Variants in PID1 observed in about 807,000 individuals in gnomAD.
PID1 encodes the protein PTB-containing, cubilin and LRP1-interacting protein.
PID1 carries 10 observed loss-of-function variants against 19.1 expected under a neutral mutation model. The ratio of observed to expected loss-of-function variants is 0.52; its 90% confidence interval spans 0.32 to 0.89. The LOEUF (loss-of-function observed/expected upper bound fraction) is 0.89, where lower values mean the gene tolerates loss of function less well. Ranked by LOEUF, PID1 falls within the 40% of genes least tolerant of loss-of-function variation. The pLI is 0.03. For missense variants in PID1, 248 were observed against 285.3 expected, an observed-to-expected ratio of 0.87 and a Z score of 0.94; for synonymous variants, 130 against 116.0, an observed-to-expected ratio of 1.12 and a Z score of -0.78.
intron 1 of PID1, among the ~76,000 whole-genome samples, chr2:229,245,883 A>C (rs1249885503): frequency 3.3e-5 from 5 of 152,138 alleles, no homozygotes; most frequent in Non-Finnish European, 7.3e-5. Context: ...ACGTTCACTT[A>C]GGCCAAGGGA....
chr2:229,146,818 G>C (rs948915055), intron 2 of PID1, among the ~76,000 whole-genome samples: 1 of 152,072 alleles, frequency 6.6e-6, no homozygotes, highest in Non-Finnish European at 1.5e-5. Flanking sequence ...CAGAAGAGAA[G>C]GCAATGTGAC....
intron 1 of PID1, among the ~76,000 whole-genome samples, chr2:229,242,443 C>T (rs1406191154): frequency 2.6e-5 from 4 of 150,944 alleles, no homozygotes; most frequent in South Asian, 2.1e-4. Context: ...TATGCTGCTT[C>T]GACTGGTAAA....
chr2:229,078,407 G>T (rs1054376826), intron 2 of PID1, among the ~76,000 whole-genome samples: 4 of 152,074 alleles, frequency 2.6e-5, no homozygotes, highest in African/African-American at 9.7e-5. Context: ...TTACCTGATT[G>T]CCCTGGTCAG....
intron 1 of PID1, among the ~76,000 whole-genome samples, chr2:229,266,090 C>A (rs1037762691): frequency 6.6e-6 from 1 of 152,122 alleles, no homozygotes; most frequent in African/African-American, 2.4e-5. Flanking sequence ...AATGACAACT[C>A]CTAGTTTTCT....
intron 2 of PID1, among the ~76,000 whole-genome samples, chr2:229,056,826 C>G (rs1477593684): frequency 6.6e-6 from 1 of 152,006 alleles, no homozygotes; most frequent in East Asian, 1.9e-4. Flanking sequence ...CTAATACACT[C>G]TAATAGTAGA....
At chr2:229,128,714 A>C (rs1324836128) in intron 2 of PID1, among the ~76,000 whole-genome samples, 1 of 152,214 alleles carries the variant, frequency 6.6e-6, no homozygotes, top group Non-Finnish European at 1.5e-5. Context: ...CAGGGCATTT[A>C]TGTTCATTTT....
At chr2:229,057,910 C>T (rs1240481751) in intron 2 of PID1, among the ~76,000 whole-genome samples, 1 of 152,186 alleles carries the variant, frequency 6.6e-6, no homozygotes, top group East Asian at 1.9e-4. Flanking sequence ...GTATTCGATA[C>T]ATGTCAGAAA....
intron 1 of PID1, among the ~76,000 whole-genome samples, chr2:229,206,579 T>C (rs746868322): frequency 6.6e-6 from 1 of 152,222 alleles, no homozygotes; most frequent in Non-Finnish European, 1.5e-5. Flanking sequence ...TTTTATGTTC[T>C]AAGCTAAACA....
chr2:229,094,664 T>A lies in PID1; in HGVS notation c.177+61154A>T, dbSNP rs558663297. On this transcript the variant is annotated intron_variant, in intron 2 of 2. Transcript: ENST00000392055. Reference sequence around the variant, plus strand: ...CAACCAATTGATCTTTGACAAAGCATACAAAAACACAAACTGGGGAAAGAA... The same window carrying A: ...CAACCAATTGATCTTTGACAAAGCAAACAAAAACACAAACTGGGGAAAGAA... 1.8e-3 allele frequency among the ~76,000 whole-genome samples: 273 copies of A among 151,914 alleles called. 2 individuals are homozygous for A. The highest frequency in any genetic ancestry group is 6.2e-3 in the African/African-American group (258 of 41,426).
chr2:229,244,726 C>T (rs1403596969), intron 1 of PID1: 1 of 152,096 alleles, frequency 6.6e-6, no homozygotes, highest in Non-Finnish European at 1.5e-5. Flanking sequence ...TCTGCAAAAG[C>T]AATTCCCTAC....
At chr2:229,101,511 C>G (rs550441509) in intron 2 of PID1, among the ~76,000 whole-genome samples, 1 of 152,306 alleles carries the variant, frequency 6.6e-6, no homozygotes, top group African/African-American at 2.4e-5. Flanking sequence ...TAATTACTAA[C>G]AGCCAGTATA....
In PID1 at chr2:229,039,991, G is replaced by A. The variant is rs181379170; in HGVS notation, c.178-13883C>T. ...ATAAGATACATAAAACAATCTAAAT[G>A]CTCATACCAAATAAAGCAGTTGAAT... On this transcript the variant is annotated intron_variant, in intron 2 of 2. Coordinates refer to ENST00000392055, the MANE Select transcript of PID1 (RefSeq NM_001100818.2). Among the ~76,000 whole-genome samples the A allele has an allele frequency of 1.3e-3, 191 of 152,138 alleles. 2 individuals are homozygous for A. Among genetic ancestry groups the A allele is most frequent in the African/African-American group, 4.5e-3 (187 of 41,500 alleles).
chr2:229,240,295 T>C (rs1689838525), intron 1 of PID1, among the ~76,000 whole-genome samples: 1 of 152,050 alleles, frequency 6.6e-6, no homozygotes, highest in South Asian at 2.1e-4. Context: ...ATTCTGTGAA[T>C]AAAGGATTTA....
At chr2:229,094,293 CACAA>C (rs1222706785) in intron 2 of PID1, among the ~76,000 whole-genome samples, 8 of 152,046 alleles carry the variant, frequency 5.3e-5, no homozygotes, top group Admixed American at 1.3e-4. Flanking sequence ...TCAGAGGTGA[CACAA>C]ACAAATAGAA....
At chr2:229,210,543 AAAAAAAAAAAAC>A (rs1374239845) in intron 1 of PID1, among the ~76,000 whole-genome samples, 3 of 148,040 alleles carry the variant, frequency 2.0e-5, no homozygotes, top group Non-Finnish European at 3.0e-5. Context: ...AAAAAAAAAA[AAAAAAAAAAAAC>A]AACCTAGAAG....
intron 2 of PID1, among the ~76,000 whole-genome samples, chr2:229,046,951 C>T (rs1693894650): frequency 6.6e-6 from 1 of 152,160 alleles, no homozygotes; most frequent in South Asian, 2.1e-4. Flanking sequence ...AGTTTATGTA[C>T]ATGCAAATAA....
intron 2 of PID1, among the ~76,000 whole-genome samples, chr2:229,050,606 G>A (rs146809228): frequency 5.3e-5 from 8 of 152,182 alleles, no homozygotes; most frequent in African/African-American, 1.4e-4. Flanking sequence ...ATGAAGCTGC[G>A]GCCACTCTAC....
At chr2:229,253,591 CAAAAA>C (rs59530496) in intron 1 of PID1, among the ~76,000 whole-genome samples, 1 of 128,496 alleles carries the variant, frequency 7.8e-6, no homozygotes, top group African/African-American at 2.9e-5. Flanking sequence ...AAATTCCAAG[CAAAAA>C]AAAAAAAAAA....
At chr2:229,074,712 A>C (rs1455674595) in intron 2 of PID1, among the ~76,000 whole-genome samples, 2 of 152,226 alleles carry the variant, frequency 1.3e-5, no homozygotes, top group African/African-American at 2.4e-5. Context: ...CTCAAATATC[A>C]AATAGATTTC....
Sources: allele counts gnomAD v4.1 joint callset (sites outside exome capture counted in the v4.1 genomes callset), GRCh38; gene constraint gnomAD v4.1.1; transcripts MANE v1.5; gene names NCBI Gene and HGNC (gene_info 2026-07-23, HGNC 2026-07-21).